TRIM9: variants seen among roughly 807,000 people sequenced by gnomAD.
TRIM9 encodes tripartite motif containing 9, also known as E3 ubiquitin-protein ligase TRIM9.
A neutral mutation model predicts 78.3 loss-of-function variants in TRIM9; 26 were observed. That is an observed-to-expected ratio of 0.33 (90% CI 0.24 to 0.46). The LOEUF is 0.46. Among genes scored for constraint, TRIM9 ranks in the 20% least tolerant of loss-of-function variants. The pLI, the probability that TRIM9 is intolerant of heterozygous loss-of-function variation, is 1.00. For missense variants in TRIM9, 787 were observed against 1,036.4 expected (o/e 0.76, Z 3.30); for synonymous variants, 398 against 416.5 (o/e 0.96, Z 0.54).
At chr14:51,076,356 TTTCCTCCA>T (rs953628596) in intron 1 of TRIM9, among the ~76,000 whole-genome samples, 3 of 152,208 alleles carry the variant, frequency 2.0e-5, no homozygotes, top group South Asian at 2.1e-4. Context: ...CCAGACCTCC[TTTCCTCCA>T]TTCCTCCATT....
chr14:51,057,335 TCCAAATTA>T (rs2060971070), intron 1 of TRIM9, among the ~76,000 whole-genome samples: 1 of 152,322 alleles, frequency 6.6e-6, no homozygotes, highest in African/African-American at 2.4e-5. Context: ...TCTAAAATAA[TCCAAATTA>T]CCAAATTACC....
intron 2 of TRIM9, among the ~76,000 whole-genome samples, chr14:51,024,042 A>G (rs1392189806): frequency 1.3e-5 from 2 of 152,244 alleles, no homozygotes; most frequent in East Asian, 1.9e-4. Flanking sequence ...GAGCAATGCT[A>G]AATTTTGGCT....
At chr14:51,058,900 T>A (rs1179867708) in intron 1 of TRIM9, among the ~76,000 whole-genome samples, 1 of 152,208 alleles carries the variant, frequency 6.6e-6, no homozygotes. Flanking sequence ...GCTCTCCACA[T>A]ACAAGCAAGA....
In TRIM9 at chr14:50,981,713, G is replaced by T. The variant is rs561863642; in HGVS notation, c.2162+87C>A. 66 of 1,533,622 alleles carry T rather than the reference G, an allele frequency of 4.3e-5. 3 individuals carry two copies. The South Asian group carries it at 6.6e-4, about 15-fold the overall frequency. On this transcript the variant is annotated intron_variant, in intron 11 of 12. Coordinates refer to ENST00000684578, the MANE Select transcript of TRIM9 (RefSeq NM_001387360.1). ...CCACCTGTTTGATTTCCTGAATGTG[G>T]TCTATGTAATAGGTTTTTGAACTGG... is the stretch of plus-strand genomic sequence containing the variant.
chr14:51,067,820 C>T (rs531187676), intron 1 of TRIM9, among the ~76,000 whole-genome samples: 1 of 152,008 alleles, frequency 6.6e-6, no homozygotes, highest in South Asian at 2.1e-4. Flanking sequence ...CTACCATTTA[C>T]TTTTCCTCAC....
intron 8 of TRIM9, among the ~76,000 whole-genome samples, chr14:50,984,761 A>G (rs1275375604): frequency 3.9e-5 from 6 of 152,196 alleles, no homozygotes; most frequent in Non-Finnish European, 7.3e-5. Context: ...TCTTAAATAC[A>G]CCCATCAAAT....
At chr14:51,022,620 A>T (rs1433400733) in intron 3 of TRIM9, among the ~76,000 whole-genome samples, 2 of 152,216 alleles carry the variant, frequency 1.3e-5, no homozygotes, top group African/African-American at 4.8e-5. Flanking sequence ...TTCCTGGCTG[A>T]GAAAAGTCAC....
rs187014262 is a variant in TRIM9, at chr14:51,015,474, T to A, written c.1042-4980A>T. ...TTTTAAAATTTTTCTTTATCTTTTT[T>A]AAATAAATGCTTTTTTCTTTCTTTA... On this transcript the variant is annotated intron_variant, in intron 3 of 12. Transcript: ENST00000684578. 5.3e-5 allele frequency among the ~76,000 whole-genome samples: 8 copies of A among 151,594 alleles called. No individual in the cohort carries two copies. The East Asian group carries it at 1.5e-3, about 29-fold the overall frequency.
chr14:51,000,879 T>G, intron 5 of TRIM9, 39 bp from the exon 6 acceptor site: 1 of 1,610,994 alleles, frequency 6.2e-7, no homozygotes, highest in South Asian at 1.1e-5. Context: ...TCTGTTAAGC[T>G]GCAGATATTC....
At chr14:51,025,919 C>T (rs2058187100) in intron 1 of TRIM9, among the ~76,000 whole-genome samples, 1 of 152,150 alleles carries the variant, frequency 6.6e-6, no homozygotes, top group Non-Finnish European at 1.5e-5. Context: ...TACAGCCCTG[C>T]TGCCCTAGCA....
At chr14:51,052,860 G>T (rs1283936719) in intron 1 of TRIM9, among the ~76,000 whole-genome samples, 1 of 152,110 alleles carries the variant, frequency 6.6e-6, no homozygotes, top group Non-Finnish European at 1.5e-5. Flanking sequence ...CACTGATGGA[G>T]AAAATTTGCC....
intron 1 of TRIM9, among the ~76,000 whole-genome samples, chr14:51,035,926 G>A (rs1271208795): frequency 1.3e-5 from 2 of 152,202 alleles, no homozygotes; most frequent in East Asian, 1.9e-4. Flanking sequence ...CCCTGACAGA[G>A]CCTTGTACAG....
At chr14:50,991,472 T>A (rs760588629) in intron 7 of TRIM9, among the ~76,000 whole-genome samples, 3 of 152,210 alleles carry the variant, frequency 2.0e-5, no homozygotes, top group Admixed American at 6.5e-5. Context: ...GTCCTGGAAA[T>A]GCATATTCTT....
intron 1 of TRIM9, among the ~76,000 whole-genome samples, chr14:51,042,945 C>T (rs2059680034): frequency 6.6e-6 from 1 of 152,178 alleles, no homozygotes; most frequent in Non-Finnish European, 1.5e-5. Context: ...TATACATATA[C>T]ATACATGTCT....
chr14:50,985,642 G>C (rs984158577), intron 8 of TRIM9, among the ~76,000 whole-genome samples: 1 of 152,204 alleles, frequency 6.6e-6, no homozygotes, highest in Non-Finnish European at 1.5e-5. Context: ...CCCGTGCCGT[G>C]CTATGCCACT....
In TRIM9 at chr14:50,981,624, G is replaced by C. The variant is rs564974739; in HGVS notation, c.2162+176C>G. Among the ~76,000 whole-genome samples the C allele has an allele frequency of 3.3e-5, 5 of 152,276 alleles. No individual in the cohort carries two copies. In the South Asian group the frequency reaches 1.0e-3, roughly 32 times the overall value. ...GTACTCAAGTCTCTATCATTATATAGAAAGTAAACCACCAGCATGGACTCA... is the reference window on the plus strand; with the variant it reads ...GTACTCAAGTCTCTATCATTATATACAAAGTAAACCACCAGCATGGACTCA... On this transcript the variant is annotated intron_variant, in intron 11 of 12. Coordinates refer to ENST00000684578, the MANE Select transcript of TRIM9 (RefSeq NM_001387360.1).
At chr14:51,022,252 G>A (rs1361059245) in intron 3 of TRIM9, among the ~76,000 whole-genome samples, 2 of 152,182 alleles carry the variant, frequency 1.3e-5, no homozygotes, top group African/African-American at 4.8e-5. Context: ...ATGGACGAAT[G>A]CTATTATCTT....
chr14:51,029,713 G>C (rs1057165291), intron 1 of TRIM9, among the ~76,000 whole-genome samples: 5 of 151,696 alleles, frequency 3.3e-5, no homozygotes, highest in African/African-American at 4.9e-5. Context: ...AACTCTGATG[G>C]GTGCTTTCAA....
At chr14:51,060,666 G>C (rs905858266) in intron 1 of TRIM9, among the ~76,000 whole-genome samples, 1 of 151,972 alleles carries the variant, frequency 6.6e-6, no homozygotes, top group East Asian at 1.9e-4. Flanking sequence ...ACGGGGTTTC[G>C]CCGTGTTAGC....
Sources: gnomAD v4.1 joint callset for allele counts (sites outside exome capture counted in the v4.1 genomes callset) on GRCh38, gnomAD v4.1.1 for gene constraint, MANE v1.5 for transcripts, NCBI Gene and HGNC (gene_info 2026-07-23, HGNC 2026-07-21) for gene names.